Variants in CRYGB observed in about 807,000 individuals in gnomAD.
CRYGB encodes the protein gamma-crystallin B.
In CRYGB, 19 loss-of-function variants were observed where a neutral mutation model predicts 21.3. That is an observed-to-expected ratio of 0.89 (90% CI 0.62 to 1.31). The LOEUF (loss-of-function observed/expected upper bound fraction) is 1.31. Ranked by LOEUF, CRYGB falls within the 50% of genes most tolerant of loss-of-function variation. The pLI, the probability that CRYGB is intolerant of heterozygous loss-of-function variation, is 0.00. For synonymous variants in CRYGB, 81 were observed against 81.2 expected, an observed-to-expected ratio of 1.00 and a Z score of 0.01; for missense variants, 254 against 228.4, an observed-to-expected ratio of 1.11 and a Z score of -0.72.
chr2:208,143,560 T>A (rs987287634), intron 2 of CRYGB, among the ~76,000 whole-genome samples: 2 of 123,692 alleles, frequency 1.6e-5, no homozygotes, highest in Non-Finnish European at 3.7e-5. Context: ...TGTAGTACAA[T>A]GGCGCAATCT....
intron 2 of CRYGB, 82 bp downstream of exon 2, chr2:208,145,688 CAAAA>C (rs554918356): frequency 4.2e-3 from 5,323 of 1,258,348 alleles, no homozygotes; most frequent in East Asian, 7.8e-3. Flanking sequence ...GACTCCGCCT[CAAAA>C]AAAAAAAAAA....
intron 2 of CRYGB, 68 bp from the exon 3 acceptor site, chr2:208,142,981 C>A: frequency 6.7e-7 from 1 of 1,502,640 alleles, no homozygotes. Flanking sequence ...GCTCCAGTCC[C>A]TACACCTCCC....
chr2:208,143,609 TCTCCTGCCTGAG>T (rs71036978), intron 2 of CRYGB, among the ~76,000 whole-genome samples: 63,377 of 151,656 alleles, frequency 0.42, 13,806 homozygotes, highest in South Asian at 0.5. Flanking sequence ...TTCAAGTGAT[TCTCCTGCCTGAG>T]CCTCCCGGGT....
In CRYGB at chr2:208,145,774, C is replaced by CG; in HGVS notation, c.251dup (p.His85AlafsTer14). The CG allele has an allele frequency of 3.7e-6, 6 of 1,611,532 alleles. No homozygotes were observed. Among genetic ancestry groups the CG allele is most frequent in the Non-Finnish European group, 5.1e-6 (6 of 1,178,836 alleles). The stretch of plus-strand genomic sequence containing the variant: ...AAGGCAAAGACAGAGCCACACTCAC[C>CG]GGGGGGATGAGGCAGCAGGAGCGGA... On this transcript the variant is annotated frameshift_variant and splice_region_variant, in exon 2 of 3. Coordinates refer to ENST00000260988, the MANE Select transcript of CRYGB (RefSeq NM_005210.4). LOFTEE classifies it high-confidence loss of function.
chr2:208,145,461 G>A (rs1001984945), intron 2 of CRYGB, among the ~76,000 whole-genome samples: 1 of 152,036 alleles, frequency 6.6e-6, no homozygotes, highest in Non-Finnish European at 1.5e-5. Flanking sequence ...GGCCGAGGCG[G>A]GCGGATCACT....
chr2:208,142,851 C>A lies in CRYGB; in HGVS notation c.315G>T (p.Glu105Asp). 1 of 1,614,010 alleles carries A rather than the reference C, an allele frequency of 6.2e-7. No homozygotes were observed. Among genetic ancestry groups the A allele is most frequent in the African/African-American group, 1.3e-5 (1 of 75,040 alleles). The change falls in exon 3 of 3, where the codon GAG (glutamate) becomes GAT (aspartate). Residue 105 changes from glutamate to aspartate, a missense_variant. Transcript: ENST00000260988. The stretch of plus-strand genomic sequence containing the variant: ...GAACAGAGATACAGTCGTCTGTGAG[C>A]TCTGACATTTGTCCCCTCAATTCAT... ...DRDELRGQMS[E>D]LTDDCISVQD...
Position 208,142,839 on chromosome 2 carries a change from G to C in CRYGB, c.327C>G (p.Asp109Glu). The C allele has an allele frequency of 1.9e-6, 3 of 1,614,172 alleles. No homozygotes were observed. Among genetic ancestry groups the C allele is most frequent in the Non-Finnish European group, 2.5e-6 (3 of 1,180,028 alleles). Residue 109 changes from aspartate (D) to glutamate (E), a missense_variant, in exon 3 of 3, where the codon GAC becomes GAG. Transcript: ENST00000260988. ...LRGQMSELTDDCISVQDRFHL... is the reference protein window; with the variant it reads ...LRGQMSELTDECISVQDRFHL... ...GGAAGCGGTCCTGAACAGAGATACA[G>C]TCGTCTGTGAGCTCTGACATTTGTC...
At chr2:208,144,268 G>C (rs1216618154) in intron 2 of CRYGB, among the ~76,000 whole-genome samples, 1 of 151,934 alleles carries the variant, frequency 6.6e-6, no homozygotes, top group East Asian at 1.9e-4. Flanking sequence ...GCCTGCTTTG[G>C]CCTCCCAAAA....
Position 208,142,640 on chromosome 2 carries a change from A to G in CRYGB, c.526T>C (p.Ter176ArgextTer?). ...GAAAAGTGGAAAACGTAAATACTTC[A>G]GTACAAATCCATGACTCGTCTAAGA... Reference protein sequence around the residue: ...GSLRRVMDLY* With the variant: ...GSLRRVMDLYR The change falls in exon 3 of 3, where the codon TGA (stop) becomes CGA (arginine). Residue 176 changes from the stop codon to arginine (R), a stop_lost. Coordinates refer to ENST00000260988, the MANE Select transcript of CRYGB (RefSeq NM_005210.4). 2.0e-6 allele frequency: 3 copies of G among 1,512,096 alleles called. No individual in the cohort carries two copies. The highest frequency in any genetic ancestry group is 1.8e-6 in the Non-Finnish European group (2 of 1,133,670). The allele number at this position is 1,512,096 out of a possible 1,614,324, so 93.7% of individuals were successfully genotyped here.
At position 208,144,777 on chromosome 2, in the gene CRYGB, G is replaced by C. The variant is rs377340837; in HGVS notation, c.252+997C>G. Among the ~76,000 whole-genome samples the C allele has an allele frequency of 1.2e-3, 175 of 151,998 alleles. 1 individual carries two copies. Among genetic ancestry groups the C allele is most frequent in the African/African-American group, 4.0e-3 (167 of 41,456 alleles). ...AGCTAATTTTTGTATTTTTAGTAGA[G>C]AGGGGGTTTCACCATATTGGCCAGG... On this transcript the variant is annotated intron_variant, in intron 2 of 2. Coordinates refer to ENST00000260988, the MANE Select transcript of CRYGB (RefSeq NM_005210.4).
chr2:208,145,806 C>T lies in CRYGB; in HGVS notation c.220G>A (p.Asp74Asn), dbSNP rs776185104. ...PDYQQWMGLS[D>N]SIRSCCLIPP... is the part of the protein sequence containing the mutation. ...ATGAGGCAGCAGGAGCGGATGGAGT[C>T]GCTGAGGCCCATCCATTGCTGGTAG... is the stretch of plus-strand genomic sequence containing the variant. Residue 74 changes from aspartate to asparagine, a missense_variant, in exon 2 of 3, where the codon GAC becomes AAC. Asp to Asn is a conservative substitution (Grantham distance 23, BLOSUM62 1). Coordinates refer to ENST00000260988, the MANE Select transcript of CRYGB (RefSeq NM_005210.4). 69 of 1,613,502 alleles carry T rather than the reference C, an allele frequency of 4.3e-5. No individual in the cohort carries two copies. Among genetic ancestry groups the T allele is most frequent in the Non-Finnish European group, 4.8e-5 (57 of 1,179,982 alleles).
chr2:208,144,387 G>T (rs543444996), intron 2 of CRYGB, among the ~76,000 whole-genome samples: 1 of 150,136 alleles, frequency 6.7e-6, no homozygotes, highest in African/African-American at 2.4e-5. Context: ...ATATGCGCAC[G>T]CACACACACA....
At position 208,142,573 on chromosome 2, in the gene CRYGB, T is replaced by C; in HGVS notation, c.*65A>G. 6.9e-7 allele frequency: 1 copy of C among 1,445,974 alleles called. No individual in the cohort carries two copies. The highest frequency in any genetic ancestry group is 9.2e-7 in the Non-Finnish European group (1 of 1,092,882). 89.6% of individuals were successfully genotyped at this position (1,445,974 alleles called of 1,614,324 possible). A position where few individuals can be genotyped will look rare whatever the true frequency, so the allele number is the denominator to read the frequency against. On this transcript the variant is annotated 3_prime_UTR_variant, in exon 3 of 3. Coordinates refer to ENST00000260988, the MANE Select transcript of CRYGB (RefSeq NM_005210.4). ...TGAAAGAAAGACAGGGCTCTACTAG[T>C]GCCAGAAACACAAGCTAAATATTTT... is the stretch of plus-strand genomic sequence containing the variant.
Position 208,142,705 on chromosome 2 carries a change from C to A in CRYGB, c.461G>T (p.Arg154Met). The A allele has an allele frequency of 6.2e-7, 1 of 1,612,970 alleles. No individual in the cohort carries two copies. The highest frequency in any genetic ancestry group is 8.5e-7 in the Non-Finnish European group (1 of 1,179,628). ...ATTTGGAGCCCCCCAATCAAGAAAC[C>A]TCCTGTACTCCCCCGGCCTCAGCAG... ...QYLLRPGEYR[R>M]FLDWGAPNAK... is the part of the protein sequence containing the mutation. The change falls in exon 3 of 3, where the codon AGG (arginine) becomes ATG (methionine). Residue 154 changes from arginine to methionine, a missense_variant. By Grantham distance (91) the Arg-to-Met change is moderately conservative. Coordinates refer to ENST00000260988, the MANE Select transcript of CRYGB (RefSeq NM_005210.4).
At chr2:208,145,734 T>A in intron 2 of CRYGB, 40 bp downstream of exon 2, 1 of 1,554,792 alleles carries the variant, frequency 6.4e-7, no homozygotes, top group Non-Finnish European at 8.7e-7. Context: ...ATAGCTTTTA[T>A]TTCCAAAAAG....
intron 2 of CRYGB, among the ~76,000 whole-genome samples, chr2:208,144,753 G>A (rs952203238): frequency 1.3e-5 from 2 of 151,890 alleles, no homozygotes; most frequent in African/African-American, 4.8e-5. Flanking sequence ...ACCAAGCCCA[G>A]CTAATTTTTG....
At position 208,144,830 on chromosome 2, in the gene CRYGB, C is replaced by A. The variant is rs551957133; in HGVS notation, c.252+944G>T. On this transcript the variant is annotated intron_variant, in intron 2 of 2. Transcript: ENST00000260988. ...GGTCTTGAACTCCTGACCTCCTGAC[C>A]TCGGCCTCCCAAAGTGCTGGGATTA... Among the ~76,000 whole-genome samples the A allele has an allele frequency of 1.1e-3, 169 of 151,812 alleles. 1 individual carries two copies. The highest frequency in any genetic ancestry group is 3.8e-3 in the African/African-American group (158 of 41,452).
intron 2 of CRYGB, among the ~76,000 whole-genome samples, chr2:208,144,294 G>A (rs1329305811): frequency 6.6e-6 from 1 of 152,138 alleles, no homozygotes; most frequent in Non-Finnish European, 1.5e-5. Context: ...GGGATTACAG[G>A]CATGAGCCAC....
chr2:208,142,743 C>G lies in CRYGB; in HGVS notation c.423G>C (p.Arg141Ser), dbSNP rs1029515377. The G allele has an allele frequency of 4.3e-6, 7 of 1,614,170 alleles. No homozygotes were observed. Among genetic ancestry groups the G allele is most frequent in the Non-Finnish European group, 5.9e-6 (7 of 1,180,034 alleles). Residue 141 changes from arginine to serine, a missense_variant, in exon 3 of 3, where the codon AGG becomes AGC. Physicochemically the swap from Arg to Ser is moderately radical, Grantham distance 110. Coordinates refer to ENST00000260988, the MANE Select transcript of CRYGB (RefSeq NM_005210.4). ...SWILYEMPNYRGRQYLLRPGE... is the reference protein window; with the variant it reads ...SWILYEMPNYSGRQYLLRPGE... Reference sequence around the variant, plus strand: ...CCGGCCTCAGCAGATACTGCCTCCCCCTGTAGTTGGGCATCTCATAGAGGA... The same window carrying G: ...CCGGCCTCAGCAGATACTGCCTCCCGCTGTAGTTGGGCATCTCATAGAGGA...
Sources: gnomAD v4.1 joint callset for allele counts (sites outside exome capture counted in the v4.1 genomes callset) on GRCh38, gnomAD v4.1.1 for gene constraint, MANE v1.5 for transcripts, NCBI Gene and HGNC (gene_info 2026-07-23, HGNC 2026-07-21) for gene names.